The following TGFBR1 variants were observed in gnomAD, a reference collection of about 807,000 sequenced individuals.
The protein encoded by TGFBR1 is TGF-beta receptor type-1.
A neutral mutation model predicts 55.1 loss-of-function variants in TGFBR1; 20 were observed. The observed-to-expected ratio is 0.36, with a 90% CI of 0.26 to 0.53. The LOEUF (loss-of-function observed/expected upper bound fraction) is 0.53. Among genes scored for constraint, TGFBR1 ranks in the 20% least tolerant of loss-of-function variants. The probability of loss-of-function intolerance (pLI) is 0.91; values close to 1 mark genes in which losing one functional copy is unlikely to be tolerated. For missense variants in TGFBR1, 385 were observed against 617.6 expected (o/e 0.62, Z 3.99); for synonymous variants, 220 against 214.8 (o/e 1.02, Z -0.21).
intron 5 of TGFBR1, among the ~76,000 whole-genome samples, chr9:99,144,514 A>G (rs1827728447): frequency 6.6e-6 from 1 of 152,166 alleles, no homozygotes; most frequent in Non-Finnish European, 1.5e-5. Flanking sequence ...TCATCTTTTA[A>G]AGCATGTTAT....
chr9:99,142,724 ATTAT>A, intron 5 of TGFBR1, 21 bp downstream of exon 5: 1 of 1,613,426 alleles, frequency 6.2e-7, no homozygotes, highest in Non-Finnish European at 8.5e-7. Flanking sequence ...AAGCAGTTCT[ATTAT>A]TTAAGCTTTA....
rs954327229 is a variant in TGFBR1 at position 99,147,002 on chromosome 9, C to A, written c.1255+393C>A. 2.4e-4 allele frequency among the ~76,000 whole-genome samples: 37 copies of A among 152,116 alleles called. 1 individual carries two copies. The highest frequency in any genetic ancestry group is 2.9e-4 in the Non-Finnish European group (20 of 68,026). On this transcript the variant is annotated intron_variant, in intron 7 of 8. Transcript: ENST00000374994. ...GTTATTTTCTCCAACTTGATAGTTA[C>A]AGTTACATACACAGAATACAATTAT...
rs1828007692 is a variant in TGFBR1, at chr9:99,152,581, A to T, written c.*3276A>T. On this transcript the variant is annotated 3_prime_UTR_variant, in exon 9 of 9. Coordinates refer to ENST00000374994, the MANE Select transcript of TGFBR1 (RefSeq NM_004612.4). ...CTGAGAACTGTCAGATTAAAACAAG[A>T]TGGCAAAGAGATCGTTAGAGTGCAC... 4.4e-6 allele frequency: 1 copy of T among 229,478 alleles called. No homozygotes were observed. The highest frequency in any genetic ancestry group is 8.7e-6 in the Non-Finnish European group (1 of 115,494). 14.2% of individuals were successfully genotyped at this position (229,478 alleles called of 1,614,324 possible).
rs538382054 is a variant in TGFBR1, at chr9:99,132,723, G to T, written c.558G>T (p.Thr186=). ...AAGACTTAATTTATGATATGACAAC[G>T]TCAGGTTCTGGCTCAGGTAACATAA... The part of the protein sequence containing the change: ...TLKDLIYDMT[T]SGSGSGLPLL... The change falls in exon 3 of 9, where the codon ACG becomes ACT. Residue 186 remains threonine, a synonymous_variant. Transcript: ENST00000374994. The T allele has an allele frequency of 5.6e-6, 9 of 1,613,986 alleles. No individual in the cohort carries two copies. The South Asian group carries it at 8.8e-5, about 16-fold the overall frequency.
chr9:99,130,181 A>G (rs911475291), intron 2 of TGFBR1, among the ~76,000 whole-genome samples: 1 of 152,226 alleles, frequency 6.6e-6, no homozygotes, highest in African/African-American at 2.4e-5. Context: ...AGAATTGACT[A>G]GCCATATAAG....
At chr9:99,146,419 G>A in intron 6 of TGFBR1, 66 bp from the exon 7 acceptor site, 1 of 1,582,362 alleles carries the variant, frequency 6.3e-7, no homozygotes, top group South Asian at 1.1e-5. Context: ...ATGTCTGAAA[G>A]GAGGTTCATC....
At chr9:99,134,057 T>C (rs1037620216) in intron 3 of TGFBR1, among the ~76,000 whole-genome samples, 2 of 151,922 alleles carry the variant, frequency 1.3e-5, no homozygotes, top group Admixed American at 1.3e-4. Flanking sequence ...TAAAGGAATG[T>C]TAAAGCAGAA....
At chr9:99,140,410 C>T (rs536808159) in intron 4 of TGFBR1, among the ~76,000 whole-genome samples, 4 of 151,902 alleles carry the variant, frequency 2.6e-5, no homozygotes, top group African/African-American at 7.2e-5. Context: ...GAGCTGAGAT[C>T]GCACCACTGC....
chr9:99,125,043 A>G (rs553397593), intron 1 of TGFBR1, among the ~76,000 whole-genome samples: 24 of 152,342 alleles, frequency 1.6e-4, no homozygotes, highest in Non-Finnish European at 2.8e-4. Context: ...AATGAATACA[A>G]TTATTCCATG....
chr9:99,104,770 A>G (rs956898919), upstream of TGFBR1, among the ~76,000 whole-genome samples: 1 of 152,112 alleles, frequency 6.6e-6, no homozygotes, highest in African/African-American at 2.4e-5. Flanking sequence ...TTTTTCCGAA[A>G]GAGACTCACA....
At chr9:99,132,879 C>CT in intron 3 of TGFBR1, 140 bp downstream of exon 3, 1 of 1,219,156 alleles carries the variant, frequency 8.2e-7, no homozygotes, top group Non-Finnish European at 1.1e-6. Flanking sequence ...TAATAAAAAT[C>CT]TTTAAGCTTG....
In TGFBR1 at chr9:99,153,990, G is replaced by T; in HGVS notation, c.*4685G>T. On this transcript the variant is annotated 3_prime_UTR_variant, in exon 9 of 9. Transcript: ENST00000374994. ...TGGCTTACAAGAGAACTGGAAAAAT[G>T]ATGAGATGTGGTCCCCAAACCCTTG... The T allele has an allele frequency of 4.6e-6, 1 of 216,398 alleles. No homozygotes were observed. Among genetic ancestry groups the T allele is most frequent in the East Asian group, 6.7e-5 (1 of 14,826 alleles). 13.4% of individuals were successfully genotyped at this position (216,398 alleles called of 1,614,324 possible). A position where few individuals can be genotyped will look rare whatever the true frequency, so the allele number is the denominator to read the frequency against.
intron 3 of TGFBR1, among the ~76,000 whole-genome samples, chr9:99,136,120 G>C (rs1827431584): frequency 6.6e-6 from 1 of 152,180 alleles, no homozygotes; most frequent in African/African-American, 2.4e-5. Context: ...CTCCTAAAGT[G>C]CTGGGATTAG....
chr9:99,145,303 G>A (rs1827756401), intron 6 of TGFBR1, among the ~76,000 whole-genome samples: 1 of 152,054 alleles, frequency 6.6e-6, no homozygotes, highest in Admixed American at 6.6e-5. Context: ...TTTTGCACAT[G>A]CTGTCTCCTG....
intron 7 of TGFBR1, among the ~76,000 whole-genome samples, chr9:99,147,250 G>A (rs778470057): frequency 1.4e-4 from 22 of 152,120 alleles, no homozygotes; most frequent in Non-Finnish European, 2.5e-4. Context: ...AAAGGGACTT[G>A]GCACCTTAAA....
chr9:99,136,701 TAAG>T lies in TGFBR1; in HGVS notation c.575-1150_575-1148del, dbSNP rs11568773. On this transcript the variant is annotated intron_variant, in intron 3 of 8. Transcript: ENST00000374994. ...GAAGAAAGGACCCGTTTGAGAAACT[TAAG>T]AAGAAGAGCTTCTGATCGCTTTAAA... Among the ~76,000 whole-genome samples, 28 of 152,210 alleles carry T rather than the reference TAAG, an allele frequency of 1.8e-4. No homozygotes were observed. In the East Asian group the frequency reaches 4.8e-3, roughly 26 times the overall value.
chr9:99,150,537 T>C lies in TGFBR1; in HGVS notation c.*1232T>C, dbSNP rs201621825. ...ATAACAGATGTGCAAGAAAGTCACA[T>C]TTGTTATGTATGTAGGAGTAAACGT... On this transcript the variant is annotated 3_prime_UTR_variant, in exon 9 of 9. Coordinates refer to ENST00000374994, the MANE Select transcript of TGFBR1 (RefSeq NM_004612.4). 1.4e-5 allele frequency: 3 copies of C among 214,604 alleles called. No homozygotes were observed. Among genetic ancestry groups the C allele is most frequent in the Non-Finnish European group, 2.8e-5 (3 of 105,990 alleles). The allele number at this position is 214,604 out of a possible 1,614,324, so 13.3% of individuals were successfully genotyped here. A position where few individuals can be genotyped will look rare whatever the true frequency, so the allele number is the denominator to read the frequency against.
chr9:99,134,840 AT>A (rs2118665322), intron 3 of TGFBR1, among the ~76,000 whole-genome samples: 1 of 100,464 alleles, frequency 1.0e-5, no homozygotes, highest in African/African-American at 3.6e-5. Context: ...ATATATATAT[AT>A]ATATATATAT....
At position 99,142,687 on chromosome 9, in the gene TGFBR1, G is replaced by T. The variant is rs2118780957; in HGVS notation, c.957G>T (p.Glu319Asp). The part of the protein sequence containing the change: ...TASGLAHLHM[E>D]IVGTQGKPAI... ...GCGGTCTTGCCCATCTTCACATGGA[G>T]ATTGTTGGTACCCAAGGTAATTCTA... Residue 319 changes from glutamate (E) to aspartate (D), a missense_variant, in exon 5 of 9, where the codon GAG becomes GAT. Transcript: ENST00000374994. The T allele has an allele frequency of 1.9e-6, 3 of 1,614,036 alleles. No homozygotes were observed. Among genetic ancestry groups the T allele is most frequent in the Non-Finnish European group, 2.5e-6 (3 of 1,179,910 alleles).
Sources: allele counts gnomAD v4.1 joint callset (sites outside exome capture counted in the v4.1 genomes callset), GRCh38; gene constraint gnomAD v4.1.1; transcripts MANE v1.5; gene names NCBI Gene and HGNC (gene_info 2026-07-23, HGNC 2026-07-21).